The following RETREG1 variants were observed in gnomAD, a reference collection of about 807,000 sequenced individuals.
RETREG1 encodes family with sequence similarity 134 member B.
RETREG1 carries 44 observed loss-of-function variants against 54.8 expected under a neutral mutation model. The ratio of observed to expected loss-of-function variants is 0.80; its 90% CI spans 0.63 to 1.03. The LOEUF is 1.03. Among genes scored for constraint, RETREG1 ranks in the 50% least tolerant of loss-of-function variants. The pLI, the probability that RETREG1 is intolerant of heterozygous loss-of-function variation, is 0.00. For missense variants in RETREG1, 554 were observed against 605.1 expected (o/e 0.92, Z 0.89); for synonymous variants, 217 against 238.5 (o/e 0.91, Z 0.83).
At chr5:16,555,883 G>T (rs1387286271) in intron 3 of RETREG1, among the ~76,000 whole-genome samples, 1 of 152,142 alleles carries the variant, frequency 6.6e-6, no homozygotes, top group Non-Finnish European at 1.5e-5. Context: ...TAAGAGAAAT[G>T]TTAACTACTA....
At chr5:16,485,047 C>T (rs899890593) in intron 3 of RETREG1, among the ~76,000 whole-genome samples, 3 of 151,886 alleles carry the variant, frequency 2.0e-5, no homozygotes, top group East Asian at 3.9e-4. Context: ...GTGGCAAAAT[C>T]TTGCCACAGA....
chr5:16,523,683 G>C (rs1417472944), intron 3 of RETREG1, among the ~76,000 whole-genome samples: 1 of 152,154 alleles, frequency 6.6e-6, no homozygotes, highest in Non-Finnish European at 1.5e-5. Context: ...GAGGGAGGGA[G>C]TGTGGCACAA....
intron 3 of RETREG1, among the ~76,000 whole-genome samples, chr5:16,518,207 T>C (rs1740421734): frequency 6.8e-6 from 1 of 148,134 alleles, no homozygotes; most frequent in African/African-American, 2.4e-5. Context: ...ATGTAATATA[T>C]GTAAATATAT....
intron 3 of RETREG1, among the ~76,000 whole-genome samples, chr5:16,552,415 A>G (rs937827896): frequency 6.6e-6 from 1 of 152,210 alleles, no homozygotes; most frequent in Non-Finnish European, 1.5e-5. Flanking sequence ...GGAAGGAAAG[A>G]CTTTGGAGAG....
chr5:16,493,703 T>C (rs1262884618), intron 3 of RETREG1, among the ~76,000 whole-genome samples: 1 of 152,192 alleles, frequency 6.6e-6, no homozygotes, highest in Non-Finnish European at 1.5e-5. Context: ...CATTGCAACA[T>C]TTGGCCTACT....
chr5:16,529,286 C>G (rs1039195756), intron 3 of RETREG1, among the ~76,000 whole-genome samples: 2 of 152,162 alleles, frequency 1.3e-5, no homozygotes, highest in Admixed American at 6.5e-5. Context: ...ATCAGTAAAT[C>G]ATTTCTAAAT....
chr5:16,525,791 A>G (rs1398240365), intron 3 of RETREG1, among the ~76,000 whole-genome samples: 2 of 150,826 alleles, frequency 1.3e-5, no homozygotes, highest in Admixed American at 6.6e-5. Flanking sequence ...GATTGATTTT[A>G]AGGAAATGGC....
intron 3 of RETREG1, among the ~76,000 whole-genome samples, chr5:16,549,974 G>A (rs578259298): frequency 5.3e-5 from 8 of 152,314 alleles, no homozygotes; most frequent in African/African-American, 1.9e-4. Context: ...AAAGTGACAT[G>A]AGATGGCTCT....
intron 3 of RETREG1, among the ~76,000 whole-genome samples, chr5:16,496,574 TC>T (rs1287860525): frequency 6.6e-6 from 1 of 152,178 alleles, no homozygotes; most frequent in African/African-American, 2.4e-5. Context: ...GAAACATAGT[TC>T]AATTGCTGGT....
At chr5:16,565,449 C>A (rs1175877807) in intron 3 of RETREG1, among the ~76,000 whole-genome samples, 1 of 152,140 alleles carries the variant, frequency 6.6e-6, no homozygotes, top group African/African-American at 2.4e-5. Context: ...TTGTTCACAT[C>A]CCAAAAATGA....
chr5:16,482,769 T>C (rs1738837086), intron 4 of RETREG1, among the ~76,000 whole-genome samples: 1 of 152,082 alleles, frequency 6.6e-6, no homozygotes, highest in Non-Finnish European at 1.5e-5. Flanking sequence ...ATAATACAAG[T>C]ATGTGCAGCA....
intron 1 of RETREG1, among the ~76,000 whole-genome samples, chr5:16,611,513 C>T (rs778983462): frequency 7.9e-5 from 12 of 152,266 alleles, no homozygotes; most frequent in Middle Eastern, 3.4e-3. Context: ...ACTTAGGAAA[C>T]GGACCTTTCA....
chr5:16,522,459 C>G (rs1432896522), intron 3 of RETREG1, among the ~76,000 whole-genome samples: 2 of 152,164 alleles, frequency 1.3e-5, no homozygotes, highest in Non-Finnish European at 2.9e-5. Flanking sequence ...AGTGGCTTCA[C>G]TTCTATCGGG....
At chr5:16,524,861 C>T (rs569072981) in intron 3 of RETREG1, among the ~76,000 whole-genome samples, 2 of 151,408 alleles carry the variant, frequency 1.3e-5, no homozygotes, top group South Asian at 2.1e-4. Flanking sequence ...GGTGGATGTG[C>T]GCGGGGGACA....
At chr5:16,493,911 AT>A (rs949354965) in intron 3 of RETREG1, among the ~76,000 whole-genome samples, 1 of 152,192 alleles carries the variant, frequency 6.6e-6, no homozygotes, top group Non-Finnish European at 1.5e-5. Context: ...AATTCAAATT[AT>A]TTTTGTTTGT....
intron 3 of RETREG1, among the ~76,000 whole-genome samples, chr5:16,523,401 T>G (rs917500609): frequency 6.6e-6 from 1 of 151,710 alleles, no homozygotes; most frequent in Admixed American, 6.6e-5. Flanking sequence ...ATCTGAGGAG[T>G]GTTTTGTAGA....
intron 1 of RETREG1, among the ~76,000 whole-genome samples, chr5:16,614,392 T>C (rs1365551685): frequency 6.6e-6 from 1 of 152,140 alleles, no homozygotes. Flanking sequence ...TGCTGATAAA[T>C]GGTAAATGTG....
chr5:16,482,210 A>G (rs1254688244), intron 4 of RETREG1, among the ~76,000 whole-genome samples: 1 of 152,064 alleles, frequency 6.6e-6, no homozygotes, highest in African/African-American at 2.4e-5. Flanking sequence ...AAGGCCATAA[A>G]AGTCAAAGGA....
At chr5:16,599,619 T>C (rs1007653457) in intron 1 of RETREG1, among the ~76,000 whole-genome samples, 6 of 152,186 alleles carry the variant, frequency 3.9e-5, no homozygotes, top group Non-Finnish European at 8.8e-5. Context: ...ACCTACCATA[T>C]ACCACGGTGC....
Sources: allele counts gnomAD v4.1 joint callset (sites outside exome capture counted in the v4.1 genomes callset), GRCh38; gene constraint gnomAD v4.1.1; transcripts MANE v1.5; gene names NCBI Gene and HGNC (gene_info 2026-07-23, HGNC 2026-07-21).